TPX2: variants seen among roughly 807,000 people sequenced by gnomAD.
The protein encoded by TPX2 is targeting protein for Xklp2.
TPX2 carries 21 observed loss-of-function variants against 93.6 expected under a neutral mutation model. That is an observed-to-expected ratio of 0.22 (90% confidence interval 0.16 to 0.32). The LOEUF (loss-of-function observed/expected upper bound fraction) is 0.32, where lower values mean the gene tolerates loss of function less well. TPX2 is among the 10% of genes least tolerant of loss of function. TPX2 has a pLI of 1.00. For synonymous variants in TPX2, 281 were observed against 298.3 expected, an observed-to-expected ratio of 0.94 and a Z score of 0.60; for missense variants, 776 against 871.1, an observed-to-expected ratio of 0.89 and a Z score of 1.37.
chr20:31,772,730 G>GA (rs2061971557), intron 7 of TPX2, among the ~76,000 whole-genome samples: 1 of 151,872 alleles, frequency 6.6e-6, no homozygotes, highest in South Asian at 2.1e-4. Context: ...ATCCTTTTTT[G>GA]ATAGATTGTT....
chr20:31,777,561 A>C lies in TPX2; in HGVS notation c.805A>C (p.Lys269Gln). The C allele has an allele frequency of 6.2e-7, 1 of 1,614,216 alleles. No individual in the cohort carries two copies. The highest frequency in any genetic ancestry group is 8.5e-7 in the Non-Finnish European group (1 of 1,180,040). The change falls in exon 9 of 18, where the codon AAA (lysine) becomes CAA (glutamine). Residue 269 changes from lysine to glutamine, a missense_variant. Physicochemically the swap from Lys to Gln is moderately conservative, Grantham distance 53 (BLOSUM62 1). Coordinates refer to ENST00000300403, the MANE Select transcript of TPX2 (RefSeq NM_012112.5). ...CCACTTCCGCACAGATGAGCGAATC[A>C]AACAACATCCTAAGAACCAGGAGGA... is the stretch of plus-strand genomic sequence containing the variant. ...DFHFRTDERI[K>Q]QHPKNQEEYK...
At chr20:31,742,907 C>G (rs1485585607) in intron 2 of TPX2, among the ~76,000 whole-genome samples, 1 of 152,094 alleles carries the variant, frequency 6.6e-6, no homozygotes, top group Non-Finnish European at 1.5e-5. Context: ...CTAAGACCTT[C>G]CCAGGATATC....
intron 17 of TPX2, 51 bp from the exon 18 acceptor site, chr20:31,800,919 A>G: frequency 7.2e-7 from 1 of 1,379,682 alleles, no homozygotes; most frequent in Non-Finnish European, 1.0e-6. Context: ...AGCAATTATA[A>G]GCGTAGTTCT....
chr20:31,774,028 T>C (rs2061980679), intron 7 of TPX2, among the ~76,000 whole-genome samples: 1 of 152,030 alleles, frequency 6.6e-6, no homozygotes, highest in African/African-American at 2.4e-5. Context: ...CTTGCCACTA[T>C]ACCCAGCTAA....
intron 12 of TPX2, among the ~76,000 whole-genome samples, chr20:31,787,820 A>C (rs1235974963): frequency 6.6e-6 from 1 of 152,186 alleles, no homozygotes; most frequent in Non-Finnish European, 1.5e-5. Context: ...CCAAGGGATG[A>C]CTTTGAGTTC....
intron 15 of TPX2, among the ~76,000 whole-genome samples, chr20:31,794,806 G>A (rs975406149): frequency 2.7e-5 from 4 of 149,630 alleles, no homozygotes; most frequent in East Asian, 2.0e-4. Context: ...GTGTGTGTAC[G>A]CACACATTTT....
chr20:31,743,340 A>C (rs1473956060), intron 2 of TPX2, among the ~76,000 whole-genome samples: 1 of 152,204 alleles, frequency 6.6e-6, no homozygotes, highest in East Asian at 1.9e-4. Flanking sequence ...AATACAATGT[A>C]AATGCTATGT....
intron 10 of TPX2, among the ~76,000 whole-genome samples, chr20:31,781,719 G>A (rs2062034874): frequency 6.6e-6 from 1 of 151,986 alleles, no homozygotes; most frequent in Admixed American, 6.5e-5. Context: ...GAGGTGGGTG[G>A]ATTGCTTGAG....
chr20:31,747,760 C>T (rs970436781), intron 2 of TPX2, among the ~76,000 whole-genome samples: 5 of 146,498 alleles, frequency 3.4e-5, no homozygotes, highest in African/African-American at 1.0e-4. Flanking sequence ...ATGTGGTTGA[C>T]GCATGTGCCT....
rs182248023 is a variant in TPX2, at chr20:31,791,519, C to G, written c.1414-1216C>G. ...CAGGATAGTCTCGATCTCCTGACCT[C>G]GTGATCCACCCACCTCTGCCTCCCA... On this transcript the variant is annotated intron_variant, in intron 12 of 17. Transcript: ENST00000300403. Among the ~76,000 whole-genome samples, 186 of 152,280 alleles carry G rather than the reference C, an allele frequency of 1.2e-3. 1 individual carries two copies. Among genetic ancestry groups the G allele is most frequent in the African/African-American group, 4.4e-3 (181 of 41,566 alleles).
intron 2 of TPX2, among the ~76,000 whole-genome samples, chr20:31,744,812 G>A (rs572692669): frequency 3.3e-5 from 5 of 152,258 alleles, no homozygotes; most frequent in Admixed American, 2.0e-4. Context: ...TTGGCCGGGC[G>A]CGGTGGCTCA....
At chr20:31,768,561 C>A (rs1031779411) in intron 5 of TPX2, among the ~76,000 whole-genome samples, 2 of 152,018 alleles carry the variant, frequency 1.3e-5, no homozygotes, top group Non-Finnish European at 1.5e-5. Flanking sequence ...ATTTCTTAAA[C>A]AGGACACACA....
intron 2 of TPX2, among the ~76,000 whole-genome samples, chr20:31,747,033 G>A (rs185336971): frequency 1.3e-5 from 2 of 152,284 alleles, no homozygotes; most frequent in East Asian, 1.9e-4. Context: ...AGCGCTCTCT[G>A]TTAATGCCCT....
At position 31,798,406 on chromosome 20, in the gene TPX2, G is replaced by T; in HGVS notation, c.1987G>T (p.Ala663Ser). The change falls in exon 17 of 18, where the codon GCT (alanine) becomes TCT (serine). Residue 663 changes from alanine to serine, a missense_variant. Around this residue, in one of 3 missense-constraint regions of TPX2, gnomAD observed 461 missense variants for 551.2 expected, o/e 0.84. Coordinates refer to ENST00000300403, the MANE Select transcript of TPX2 (RefSeq NM_012112.5). ...GSLVQEPFQL[A>S]TEKRAKERQE... ...TCTAGTTCAGGAACCTTTTCAGCTG[G>T]CTACTGAGAAGAGAGCCAAAGAGCG... 6.2e-7 allele frequency: 1 copy of T among 1,614,004 alleles called. No homozygotes were observed. Among genetic ancestry groups the T allele is most frequent in the Non-Finnish European group, 8.5e-7 (1 of 1,180,018 alleles).
Position 31,775,983 on chromosome 20 carries a change from G to T in TPX2, c.725G>T (p.Gly242Val). 1 of 1,506,922 alleles carries T rather than the reference G, an allele frequency of 6.6e-7. No individual in the cohort carries two copies. Among genetic ancestry groups the T allele is most frequent in the Non-Finnish European group, 9.0e-7 (1 of 1,116,702 alleles). 93.3% of individuals were successfully genotyped at this position (1,506,922 alleles called of 1,614,324 possible). A position where few individuals can be genotyped will look rare whatever the true frequency, so the allele number is the denominator to read the frequency against. Residue 242 changes from glycine (G) to valine (V), a missense_variant, in exon 8 of 18, where the codon GGA becomes GTA. Transcript: ENST00000300403. Reference sequence around the variant, plus strand: ...GAATTCAAGAAACTTGCTCTGGCTGGAATAGGTGAGCTTGGCTGTGGTTGA... The same window carrying T: ...GAATTCAAGAAACTTGCTCTGGCTGTAATAGGTGAGCTTGGCTGTGGTTGA... The part of the protein sequence containing the change: ...NEEFKKLALA[G>V]IGQPVKKSVS...
At chr20:31,754,908 G>A (rs2061842265) in intron 2 of TPX2, among the ~76,000 whole-genome samples, 1 of 152,216 alleles carries the variant, frequency 6.6e-6, no homozygotes, top group East Asian at 1.9e-4. Flanking sequence ...GTATATATAT[G>A]AGGGAGAAGA....
intron 12 of TPX2, among the ~76,000 whole-genome samples, chr20:31,785,366 A>G (rs1236980605): frequency 6.6e-6 from 1 of 152,200 alleles, no homozygotes; most frequent in Non-Finnish European, 1.5e-5. Context: ...GTTATATGCA[A>G]ACCTCAGAGT....
intron 2 of TPX2, among the ~76,000 whole-genome samples, chr20:31,749,149 T>A (rs1568920400): frequency 1.3e-5 from 2 of 152,100 alleles, no homozygotes; most frequent in African/African-American, 2.4e-5. Context: ...GGTTTCACTG[T>A]GTTAGCCAGG....
At chr20:31,794,376 A>G (rs778110756) in intron 14 of TPX2, 26 bp from the exon 15 acceptor site, 1 of 1,610,144 alleles carries the variant, frequency 6.2e-7, no homozygotes, top group Non-Finnish European at 8.5e-7. Flanking sequence ...TCTTTATCTT[A>G]AACCTCATGT....
Sources: allele counts gnomAD v4.1 joint callset (sites outside exome capture counted in the v4.1 genomes callset), GRCh38; gene constraint gnomAD v4.1.1; regional missense constraint gnomAD v4.1.1; transcripts MANE v1.5; gene names NCBI Gene and HGNC (gene_info 2026-07-23, HGNC 2026-07-21).